The following RANBP2 variants were observed in gnomAD, a reference collection of about 807,000 sequenced individuals.
RANBP2 encodes RAN binding protein 2, also known as E3 SUMO-protein ligase RanBP2.
Under a neutral mutation model 303.6 loss-of-function variants are expected in RANBP2, and 57 were observed. The observed-to-expected ratio is 0.19, with a 90% CI of 0.15 to 0.23. The LOEUF (loss-of-function observed/expected upper bound fraction) is 0.23, where lower values mean the gene tolerates loss of function less well. Among genes scored for constraint, RANBP2 ranks in the 10% least tolerant of loss-of-function variants. The pLI, the probability that RANBP2 is intolerant of heterozygous loss-of-function variation, is 1.00. For synonymous variants in RANBP2, 1,167 were observed against 1,301.5 expected (o/e 0.90, Z 2.23); for missense variants, 3,138 against 3,780.8 (o/e 0.83, Z 4.46).
the RANBP2 span, among the ~76,000 whole-genome samples, chr2:109,428,076 G>A: frequency 3.5e-3 from 535 of 152,336 alleles, 3 homozygotes; most frequent in African/African-American, 0.012. Context: ...CTCCTGCTGT[G>A]GGTCTTCCCT....
At chr2:109,470,761 CCT>C in the RANBP2 span, among the ~76,000 whole-genome samples, 1 of 152,210 alleles carries the variant, frequency 6.6e-6, no homozygotes, top group East Asian at 1.9e-4. Flanking sequence ...CTCAGCCACC[CCT>C]GTTCCACAGG....
the RANBP2 span, among the ~76,000 whole-genome samples, chr2:109,563,464 T>G: frequency 6.6e-6 from 1 of 151,828 alleles, no homozygotes; most frequent in Non-Finnish European, 1.5e-5. Context: ...CATAAGAGAG[T>G]TTAAAATAGC....
the RANBP2 span, among the ~76,000 whole-genome samples, chr2:108,957,780 G>T: frequency 1.3e-5 from 2 of 152,122 alleles, no homozygotes; most frequent in Admixed American, 6.5e-5. Flanking sequence ...CAAAGCAAAG[G>T]GTATTTCTTT....
chr2:109,452,187 T>C, the RANBP2 span, among the ~76,000 whole-genome samples: 78 of 152,336 alleles, frequency 5.1e-4, no homozygotes, highest in South Asian at 0.015. Context: ...TTTAGTCCAC[T>C]GCTCAGAAGC....
At chr2:109,681,401 A>G in the RANBP2 span, among the ~76,000 whole-genome samples, 1 of 152,346 alleles carries the variant, frequency 6.6e-6, no homozygotes, top group East Asian at 1.9e-4. Flanking sequence ...CTAAATTTAC[A>G]TTACATTTCA....
the RANBP2 span, among the ~76,000 whole-genome samples, chr2:109,268,272 G>T: frequency 7.9e-5 from 12 of 151,734 alleles, no homozygotes; most frequent in African/African-American, 2.9e-4. Context: ...GTGAGGTGCG[G>T]CCCCTTCTCT....
the RANBP2 span, among the ~76,000 whole-genome samples, chr2:109,078,102 A>ATATATATATATGGCG: frequency 6.7e-4 from 60 of 90,130 alleles, 2 homozygotes; most frequent in Middle Eastern, 5.0e-3. Context: ...ATATATATAT[A>ATATATATATATGGCG]TATATATATA....
chr2:109,259,185 TC>T, the RANBP2 span, among the ~76,000 whole-genome samples: 2 of 152,218 alleles, frequency 1.3e-5, no homozygotes, highest in African/African-American at 4.8e-5. Context: ...GGTTGAGGAA[TC>T]CATAAAGTGT....
At chr2:109,045,844 A>G in the RANBP2 span, among the ~76,000 whole-genome samples, 2 of 152,182 alleles carry the variant, frequency 1.3e-5, no homozygotes, top group Admixed American at 6.5e-5. Flanking sequence ...ACTTTTCCAG[A>G]ACAACCATGT....
the RANBP2 span, among the ~76,000 whole-genome samples, chr2:109,443,295 T>G: frequency 6.6e-6 from 1 of 152,226 alleles, no homozygotes; most frequent in African/African-American, 2.4e-5. Context: ...TCAAATACTG[T>G]CCAACTGGCC....
the RANBP2 span, among the ~76,000 whole-genome samples, chr2:109,150,872 T>A: frequency 6.6e-6 from 1 of 151,952 alleles, no homozygotes; most frequent in Non-Finnish European, 1.5e-5. Flanking sequence ...TGAAAAAAAA[T>A]ATGGGCATAT....
chr2:109,287,153 A>G, the RANBP2 span, among the ~76,000 whole-genome samples: 1 of 152,214 alleles, frequency 6.6e-6, no homozygotes, highest in East Asian at 1.9e-4. Flanking sequence ...AGAGATAAAA[A>G]AGACCCAGTG....
the RANBP2 span, among the ~76,000 whole-genome samples, chr2:109,522,973 T>C: frequency 6.6e-6 from 1 of 152,102 alleles, no homozygotes; most frequent in Non-Finnish European, 1.5e-5. Flanking sequence ...CCATTTAGAG[T>C]AAGTGCTAAA....
the RANBP2 span, among the ~76,000 whole-genome samples, chr2:109,095,848 T>C: frequency 6.6e-6 from 1 of 152,230 alleles, no homozygotes; most frequent in Non-Finnish European, 1.5e-5. Context: ...TAAAATTTGG[T>C]TTTCTCTTTT....
the RANBP2 span, among the ~76,000 whole-genome samples, chr2:108,871,391 A>C: frequency 2.7e-5 from 4 of 150,594 alleles, no homozygotes; most frequent in African/African-American, 9.8e-5. Flanking sequence ...AAAAAAAAAA[A>C]AAAATAGAAA....
chr2:109,019,311 G>A, the RANBP2 span, among the ~76,000 whole-genome samples: 118 of 152,320 alleles, frequency 7.7e-4, no homozygotes, highest in African/African-American at 2.6e-3. Context: ...TGTGTGTGTC[G>A]GGTGTGGTGT....
chr2:108,893,216 C>CCTCT, the RANBP2 span, among the ~76,000 whole-genome samples: 3 of 151,810 alleles, frequency 2.0e-5, no homozygotes. Context: ...TTTTAAACTT[C>CCTCT]CTGTTACTTG....
the RANBP2 span, among the ~76,000 whole-genome samples, chr2:109,402,766 G>A: frequency 6.6e-6 from 1 of 152,226 alleles, no homozygotes; most frequent in South Asian, 2.1e-4. Flanking sequence ...CTGGGCCATG[G>A]GGGGCAGAGG....
chr2:109,033,887 C>G, the RANBP2 span, among the ~76,000 whole-genome samples: 1 of 145,742 alleles, frequency 6.9e-6, no homozygotes, highest in African/African-American at 2.6e-5. Context: ...ACCCAGGAGG[C>G]AGAGGCTGCA....
Sources: allele counts gnomAD v4.1 joint callset (sites outside exome capture counted in the v4.1 genomes callset), GRCh38; gene constraint gnomAD v4.1.1; transcripts MANE v1.5; gene names NCBI Gene and HGNC (gene_info 2026-07-23, HGNC 2026-07-21).